The following C12orf42 variants were observed in gnomAD, a reference collection of about 807,000 sequenced individuals.
The protein encoded by C12orf42 is uncharacterized protein C12orf42.
In C12orf42, 25 loss-of-function variants were observed where a neutral mutation model predicts 21.6. That is an observed-to-expected ratio of 1.16 (90% CI 0.84 to 1.62). The LOEUF (loss-of-function observed/expected upper bound fraction) is 1.62, where lower values mean the gene tolerates loss of function less well. Ranked by LOEUF, C12orf42 falls within the 40% of genes most tolerant of loss-of-function variation. The pLI, the probability that C12orf42 is intolerant of heterozygous loss-of-function variation, is 0.00. For synonymous variants in C12orf42, 174 were observed against 175.0 expected, an observed-to-expected ratio of 0.99 and a Z score of 0.05; for missense variants, 483 against 459.3, an observed-to-expected ratio of 1.05 and a Z score of -0.47.
intron 1 of C12orf42, among the ~76,000 whole-genome samples, chr12:103,484,506 G>T (rs931771005): frequency 4.0e-5 from 6 of 151,766 alleles, no homozygotes; most frequent in Non-Finnish European, 7.4e-5. Flanking sequence ...TTTCAATGGG[G>T]TTGTTTTTTT....
intron 2 of C12orf42, among the ~76,000 whole-genome samples, chr12:103,449,979 G>C (rs1370890610): frequency 6.6e-6 from 1 of 151,218 alleles, no homozygotes; most frequent in African/African-American, 2.4e-5. Flanking sequence ...TTGCATAAAA[G>C]TTATATCTTT....
chr12:103,231,661 T>A, the C12orf42 span, among the ~76,000 whole-genome samples: 1 of 152,130 alleles, frequency 6.6e-6, no homozygotes, highest in Non-Finnish European at 1.5e-5. Flanking sequence ...TTAGCACTCA[T>A]CATGATACAT....
downstream of C12orf42, among the ~76,000 whole-genome samples, chr12:103,300,151 G>A (rs2037552641): frequency 6.6e-6 from 1 of 152,102 alleles, no homozygotes; most frequent in South Asian, 2.1e-4. Flanking sequence ...GGACACTGGT[G>A]GTACAAAGTA....
Position 103,304,003 on chromosome 12 carries a change from T to C in C12orf42, c.632-1444A>G, listed in dbSNP as rs545965868. Among the ~76,000 whole-genome samples, 4 of 152,316 alleles carry C rather than the reference T, an allele frequency of 2.6e-5. No individual in the cohort carries two copies. In the South Asian group the frequency reaches 8.3e-4, roughly 32 times the overall value. The stretch of plus-strand genomic sequence containing the variant: ...AGGGCATGACCTAGACAGGATATGC[T>C]TTCCTATGTCTTGAGCCAAAAAAAT... On this transcript the variant is annotated intron_variant, in intron 5 of 5. Coordinates refer to ENST00000548883, the MANE Select transcript of C12orf42 (RefSeq NM_198521.5).
chr12:103,398,722 C>T (rs1452940847), intron 3 of C12orf42, among the ~76,000 whole-genome samples: 2 of 151,960 alleles, frequency 1.3e-5, no homozygotes, highest in African/African-American at 4.8e-5. Flanking sequence ...AACCAGTTGT[C>T]CCCACCCCAT....
At chr12:103,124,721 C>T in the C12orf42 span, among the ~76,000 whole-genome samples, 1 of 152,072 alleles carries the variant, frequency 6.6e-6, no homozygotes, top group African/African-American at 2.4e-5. Context: ...CAGTGCCTCT[C>T]CAGATCCTTG....
chr12:103,318,187 G>A (rs1255711285), intron 4 of C12orf42, among the ~76,000 whole-genome samples: 4 of 152,090 alleles, frequency 2.6e-5, no homozygotes, highest in Non-Finnish European at 5.9e-5. Context: ...TACTCCAGAG[G>A]TTGAGGTAGG....
chr12:103,209,212 T>G, the C12orf42 span, among the ~76,000 whole-genome samples: 7 of 152,198 alleles, frequency 4.6e-5, no homozygotes, highest in African/African-American at 1.7e-4. Flanking sequence ...ATTTATATAA[T>G]GATGTAACTT....
At chr12:103,073,388 T>A in the C12orf42 span, among the ~76,000 whole-genome samples, 1 of 152,128 alleles carries the variant, frequency 6.6e-6, no homozygotes, top group East Asian at 1.9e-4. Flanking sequence ...TGGCCAGCAG[T>A]CAACAAATGG....
intron 2 of C12orf42, among the ~76,000 whole-genome samples, chr12:103,436,449 A>C (rs1285148294): frequency 1.3e-5 from 2 of 152,104 alleles, no homozygotes; most frequent in African/African-American, 4.8e-5. Flanking sequence ...TAAAAGACAC[A>C]GACTGGCAAA....
At chr12:103,172,273 G>A in the C12orf42 span, among the ~76,000 whole-genome samples, 1 of 152,082 alleles carries the variant, frequency 6.6e-6, no homozygotes, top group East Asian at 1.9e-4. Flanking sequence ...AGTTGAGTGG[G>A]TAGAAGAAAT....
At chr12:103,320,192 A>AAGC (rs1212373466) in intron 4 of C12orf42, among the ~76,000 whole-genome samples, 2 of 152,350 alleles carry the variant, frequency 1.3e-5, no homozygotes, top group African/African-American at 4.8e-5. Flanking sequence ...CACTTCTTTG[A>AAGC]AGCAGCAGCA....
intron 4 of C12orf42, among the ~76,000 whole-genome samples, chr12:103,354,342 A>G (rs1042115325): frequency 6.6e-6 from 1 of 152,060 alleles, no homozygotes; most frequent in Non-Finnish European, 1.5e-5. Flanking sequence ...AGTAAAAGAG[A>G]TCTCAGCTCC....
At chr12:103,530,403 T>A in the C12orf42 span, among the ~76,000 whole-genome samples, 1 of 152,178 alleles carries the variant, frequency 6.6e-6, no homozygotes, top group East Asian at 1.9e-4. Context: ...TCTCTCCAGA[T>A]CGCCCCTGCC....
At chr12:103,357,152 TG>T (rs2043654873) in intron 4 of C12orf42, among the ~76,000 whole-genome samples, 1 of 55,790 alleles carries the variant, frequency 1.8e-5, no homozygotes, top group Admixed American at 2.6e-4. Context: ...TGTTGTGGGG[TG>T]GGGGGAGGGA....
At chr12:103,342,834 G>A (rs542804513) in intron 4 of C12orf42, among the ~76,000 whole-genome samples, 5 of 152,168 alleles carry the variant, frequency 3.3e-5, no homozygotes, top group African/African-American at 4.8e-5. Context: ...AGAGGTCTCC[G>A]CTGCTCTTCC....
chr12:103,159,213 TTA>T, the C12orf42 span, among the ~76,000 whole-genome samples: 1 of 152,216 alleles, frequency 6.6e-6, no homozygotes, highest in Admixed American at 6.5e-5. Flanking sequence ...TAGAATTGCA[TTA>T]TAGACAAACT....
At chr12:103,235,327 G>A (rs1319050739), downstream of C12orf42, among the ~76,000 whole-genome samples, 3 of 152,086 alleles carry the variant, frequency 2.0e-5, no homozygotes, top group African/African-American at 7.2e-5. Flanking sequence ...AAGAAACCAG[G>A]AGAGATTCAA....
At chr12:103,290,879 G>T (rs1362267967) in intron 4 of C12orf42, among the ~76,000 whole-genome samples, 3 of 152,038 alleles carry the variant, frequency 2.0e-5, no homozygotes, top group Non-Finnish European at 4.4e-5. Context: ...TCTAAAGGGT[G>T]GAAGGGTGGG....
Sources: allele counts gnomAD v4.1 joint callset (sites outside exome capture counted in the v4.1 genomes callset), GRCh38; gene constraint gnomAD v4.1.1; transcripts MANE v1.5; gene names NCBI Gene and HGNC (gene_info 2026-07-23, HGNC 2026-07-21).